GALNT11: variants seen among roughly 807,000 people sequenced by gnomAD.
The protein encoded by GALNT11 is polypeptide N-acetylgalactosaminyltransferase 11, also known as UDP-GalNAc:polypeptide N-acetylgalactosaminyltransferase 11.
A neutral mutation model predicts 72.7 loss-of-function variants in GALNT11; 47 were observed. The ratio of observed to expected loss-of-function variants is 0.65; its 90% CI spans 0.51 to 0.82. The LOEUF is 0.82. Ranked by LOEUF, GALNT11 falls within the 40% of genes least tolerant of loss-of-function variation. The probability of loss-of-function intolerance (pLI) is 0.00; values close to 1 mark genes in which losing one functional copy is unlikely to be tolerated. For synonymous variants in GALNT11, 270 were observed against 286.6 expected (o/e 0.94, Z 0.58); for missense variants, 677 against 778.4 (o/e 0.87, Z 1.55).
At chr7:152,084,851 A>G (rs1038693026) in intron 1 of GALNT11, among the ~76,000 whole-genome samples, 6 of 152,222 alleles carry the variant, frequency 3.9e-5, no homozygotes, top group African/African-American at 1.4e-4. Context: ...TGTTTATGGT[A>G]AGTATAGCAG....
At chr7:152,082,793 C>G (rs2085395431) in intron 1 of GALNT11, among the ~76,000 whole-genome samples, 1 of 152,182 alleles carries the variant, frequency 6.6e-6, no homozygotes, top group Non-Finnish European at 1.5e-5. Context: ...TCCCTACAGC[C>G]TCACTCTCAG....
chr7:152,083,738 A>G (rs1453521992), intron 1 of GALNT11, among the ~76,000 whole-genome samples: 1 of 152,200 alleles, frequency 6.6e-6, no homozygotes, highest in African/African-American at 2.4e-5. Flanking sequence ...CTGATAATAT[A>G]TTTAACATGA....
At chr7:152,076,603 G>C (rs914677377) in intron 1 of GALNT11, among the ~76,000 whole-genome samples, 4 of 152,162 alleles carry the variant, frequency 2.6e-5, no homozygotes, top group African/African-American at 9.7e-5. Flanking sequence ...CTTCTTATCA[G>C]TATATTGTGA....
In GALNT11 at chr7:152,094,492, G is replaced by A. The variant is rs2086251450; in HGVS notation, c.265G>A (p.Glu89Lys). Residue 89 changes from glutamate (E) to lysine (K), a missense_variant, in exon 2 of 12, where the codon GAA (glutamate) becomes AAA (lysine). Coordinates refer to ENST00000430044, the MANE Select transcript of GALNT11 (RefSeq NM_022087.4). This position sits in a 1 kb window ranked among gnomAD's most constrained non-coding sequence, Gnocchi z 4.3. Reference sequence around the variant, plus strand: ...AGACAGTCGTGTTGAAGATCCAGAAGAAGGCCACTTGAAATTCTCTTCTGA... The same window carrying A: ...AGACAGTCGTGTTGAAGATCCAGAAAAAGGCCACTTGAAATTCTCTTCTGA... Reference protein sequence around the residue: ...VIDSRVEDPEEGHLKFSSELG... With the variant: ...VIDSRVEDPEKGHLKFSSELG... The A allele has an allele frequency of 1.2e-6, 2 of 1,612,048 alleles. No homozygotes were observed. Among genetic ancestry groups the A allele is most frequent in the Non-Finnish European group, 1.7e-6 (2 of 1,178,710 alleles).
At chr7:152,098,848 A>G (rs1220608208) in intron 2 of GALNT11, among the ~76,000 whole-genome samples, 2 of 152,234 alleles carry the variant, frequency 1.3e-5, no homozygotes. Flanking sequence ...GATGAACTGC[A>G]TTTGAAACAG....
chr7:152,026,040 C>T, intron 1 of GALNT11, among the ~76,000 whole-genome samples, 156 bp downstream of exon 1: 1 of 151,866 alleles, frequency 6.6e-6, no homozygotes. Flanking sequence ...CTGGGCGAGG[C>T]TCGTGTCTCC....
At chr7:152,026,748 C>T (rs1289590143) in intron 1 of GALNT11, among the ~76,000 whole-genome samples, 1 of 152,226 alleles carries the variant, frequency 6.6e-6, no homozygotes, top group Non-Finnish European at 1.5e-5. Flanking sequence ...TCTCATCTTA[C>T]CCATGACCTG....
intron 1 of GALNT11, among the ~76,000 whole-genome samples, chr7:152,084,074 A>G (rs1470056587): frequency 6.6e-6 from 1 of 152,112 alleles, no homozygotes; most frequent in East Asian, 1.9e-4. Context: ...TATTTGGCTT[A>G]AGTAGCAGTA....
intron 1 of GALNT11, among the ~76,000 whole-genome samples, chr7:152,073,633 A>G (rs1036952249): frequency 1.3e-5 from 2 of 152,146 alleles, no homozygotes; most frequent in Admixed American, 6.5e-5. Context: ...CGATATACCA[A>G]TTTCCTTTCC....
chr7:152,115,773 T>G (rs2088776799), intron 8 of GALNT11, among the ~76,000 whole-genome samples: 1 of 152,256 alleles, frequency 6.6e-6, no homozygotes, highest in Non-Finnish European at 1.5e-5. Flanking sequence ...AAAATTTTAC[T>G]TGGCCGGGTG....
chr7:152,050,735 A>G (rs1587001835), intron 1 of GALNT11, among the ~76,000 whole-genome samples: 1 of 152,146 alleles, frequency 6.6e-6, no homozygotes, highest in Non-Finnish European at 1.5e-5. Context: ...CTGCTATTCA[A>G]GTTTATTTTG....
chr7:152,096,507 A>G (rs372237736), intron 2 of GALNT11, among the ~76,000 whole-genome samples: 1 of 152,124 alleles, frequency 6.6e-6, no homozygotes, highest in East Asian at 1.9e-4. Flanking sequence ...ACCTGAGGTC[A>G]GGAATTTGCA....
In GALNT11 at chr7:152,113,371, G is replaced by A. The variant is rs1329745287; in HGVS notation, c.1206G>A (p.Leu402=). The part of the protein sequence containing the change: ...QDTMTHNSLR[L]AHVWLDEYKE... ...CCATGACACACAACTCTTTGCGGCT[G>A]GCACATGTCTGGTTGGATGAATACA... is the stretch of plus-strand genomic sequence containing the variant. Residue 402 remains leucine (L), a synonymous_variant, in exon 8 of 12, where the codon CTG becomes CTA. Transcript: ENST00000430044. 1 of 1,613,838 alleles carries A rather than the reference G, an allele frequency of 6.2e-7. No individual in the cohort carries two copies. The highest frequency in any genetic ancestry group is 1.7e-5 in the Admixed American group (1 of 59,946).
intron 3 of GALNT11, among the ~76,000 whole-genome samples, chr7:152,101,389 A>G (rs2086872624): frequency 2.0e-5 from 3 of 152,262 alleles, no homozygotes; most frequent in African/African-American, 7.2e-5. Context: ...GAGCCCTGGA[A>G]GAAACAAACA....
intron 1 of GALNT11, among the ~76,000 whole-genome samples, chr7:152,072,314 C>CAAA (rs754741694): frequency 1.6e-5 from 1 of 62,248 alleles, no homozygotes; most frequent in Non-Finnish European, 3.6e-5. Context: ...GACTCCGTCT[C>CAAA]AAAAAAAAAA....
chr7:152,098,153 A>T (rs2086514874), intron 2 of GALNT11, among the ~76,000 whole-genome samples: 1 of 152,144 alleles, frequency 6.6e-6, no homozygotes, highest in South Asian at 2.1e-4. Context: ...GAAAAGGTAT[A>T]TTTGAGAAAG....
At chr7:152,097,683 C>T (rs927412541) in intron 2 of GALNT11, among the ~76,000 whole-genome samples, 5 of 152,204 alleles carry the variant, frequency 3.3e-5, no homozygotes, top group East Asian at 1.9e-4. Flanking sequence ...AAGGGAATGA[C>T]GTTGTGATCA....
chr7:152,104,084 G>A (rs1010733217), intron 4 of GALNT11: 2 of 152,218 alleles, frequency 1.3e-5, no homozygotes, highest in African/African-American at 4.8e-5. Context: ...ATGGCTTTGT[G>A]TACCCAAACA....
chr7:152,121,058 G>A (rs1462686806), intron 11 of GALNT11, 90 bp downstream of exon 11: 10 of 1,485,464 alleles, frequency 6.7e-6, no homozygotes, highest in Admixed American at 2.4e-5. Flanking sequence ...TTTCTACCTT[G>A]GGGGTGGTCT....
Sources: gnomAD v4.1 joint callset for allele counts (sites outside exome capture counted in the v4.1 genomes callset) on GRCh38, gnomAD v4.1.1 for gene constraint, Gnocchi (gnomAD v3.1) non-coding constraint, MANE v1.5 for transcripts, NCBI Gene and HGNC (gene_info 2026-07-23, HGNC 2026-07-21) for gene names.